NNMT: variants seen among roughly 807,000 people sequenced by gnomAD.
NNMT encodes nicotinamide N-methyltransferase.
In NNMT, 10 loss-of-function variants were observed where a neutral mutation model predicts 11.7. That is an observed-to-expected ratio of 0.85 (90% confidence interval 0.53 to 1.45). The LOEUF (loss-of-function observed/expected upper bound fraction) is 1.45, where lower values mean the gene tolerates loss of function less well. NNMT is among the 40% of genes most tolerant of loss of function. The pLI is 0.00. For synonymous variants in NNMT, 143 were observed against 133.8 expected (o/e 1.07, Z -0.48); for missense variants, 381 against 319.4 (o/e 1.19, Z -1.47).
intron 2 of NNMT, among the ~76,000 whole-genome samples, chr11:114,276,298 TGGA>T (rs1321691245): frequency 1.3e-5 from 2 of 152,060 alleles, no homozygotes; most frequent in Non-Finnish European, 2.9e-5. Context: ...GGCTTGGATT[TGGA>T]GAAGTTGGAG....
intron 1 of NNMT, among the ~76,000 whole-genome samples, chr11:114,261,975 G>A (rs2135239797): frequency 6.6e-6 from 1 of 152,248 alleles, no homozygotes; most frequent in Non-Finnish European, 1.5e-5. Context: ...TGGGAAAGAA[G>A]CAGGCAGGCC....
In NNMT at chr11:114,312,034, G is replaced by C; in HGVS notation, c.363-11G>C. ...AGTGGAAAACAATGTCTGTGGGTTT[G>C]TGTTTTTCAGAGTCAAGGGTCCAGA... On this transcript the variant is annotated splice_polypyrimidine_tract_variant and intron_variant, in intron 2 of 2. Coordinates refer to ENST00000299964, the MANE Select transcript of NNMT (RefSeq NM_006169.3). The C allele has an allele frequency of 6.5e-7, 1 of 1,545,150 alleles. No individual in the cohort carries two copies. The highest frequency in any genetic ancestry group is 8.7e-7 in the Non-Finnish European group (1 of 1,143,640).
Position 114,312,508 on chromosome 11 carries a change from T to G in NNMT, c.*31T>G. 6.3e-7 allele frequency: 1 copy of G among 1,591,896 alleles called. No individual in the cohort carries two copies. The highest frequency in any genetic ancestry group is 8.6e-7 in the Non-Finnish European group (1 of 1,167,440). On this transcript the variant is annotated 3_prime_UTR_variant, in exon 3 of 3. Transcript: ENST00000299964. ...GTGACCTCAATTAAAGCAATTCCTTTGACCTGTCCAGTTGACTTTAGTCCT... is the reference window on the plus strand; with the variant it reads ...GTGACCTCAATTAAAGCAATTCCTTGGACCTGTCCAGTTGACTTTAGTCCT...
At chr11:114,304,774 C>T (rs1312103922) in intron 2 of NNMT, among the ~76,000 whole-genome samples, 1 of 152,014 alleles carries the variant, frequency 6.6e-6, no homozygotes, top group Non-Finnish European at 1.5e-5. Flanking sequence ...CTTGGGAGAT[C>T]GAGGCTGCAG....
intron 2 of NNMT, among the ~76,000 whole-genome samples, chr11:114,276,679 G>C (rs1277004692): frequency 6.6e-6 from 1 of 152,194 alleles, no homozygotes; most frequent in Non-Finnish European, 1.5e-5. Context: ...CTGCAGGGTT[G>C]CATAGAGAGA....
intron 1 of NNMT, among the ~76,000 whole-genome samples, chr11:114,260,934 A>C (rs1221479660): frequency 2.0e-5 from 3 of 152,214 alleles, no homozygotes; most frequent in African/African-American, 7.2e-5. Context: ...CGAAGGCCTC[A>C]CTTCCTCAAC....
intron 1 of NNMT, among the ~76,000 whole-genome samples, chr11:114,258,453 C>A (rs888897392): frequency 6.6e-6 from 1 of 152,212 alleles, no homozygotes; most frequent in Non-Finnish European, 1.5e-5. Context: ...AAGCCAAGGC[C>A]AAGGCCGCCT....
At chr11:114,265,446 T>C (rs967411860) in intron 2 of NNMT, among the ~76,000 whole-genome samples, 7 of 152,366 alleles carry the variant, frequency 4.6e-5, no homozygotes, top group South Asian at 2.1e-4. Context: ...AGACAGTCTC[T>C]GAAAAGTTCC....
chr11:114,261,171 G>A (rs968893056), intron 1 of NNMT, among the ~76,000 whole-genome samples: 2 of 152,230 alleles, frequency 1.3e-5, no homozygotes, highest in Non-Finnish European at 2.9e-5. Flanking sequence ...GGATTCTGGA[G>A]TAGTGAGGCT....
intron 2 of NNMT, among the ~76,000 whole-genome samples, chr11:114,311,770 A>T (rs1945550782): frequency 6.6e-6 from 1 of 152,206 alleles, no homozygotes; most frequent in Admixed American, 6.5e-5. Flanking sequence ...GAATAATTTC[A>T]TGGAGGGAAG....
chr11:114,281,046 C>T (rs928105222), intron 2 of NNMT, among the ~76,000 whole-genome samples: 9 of 152,200 alleles, frequency 5.9e-5, no homozygotes, highest in South Asian at 2.1e-4. Context: ...CCCAGACCTG[C>T]TGGCCCAGGG....
chr11:114,303,663 A>G lies in NNMT; in HGVS notation c.362+5505A>G, dbSNP rs186017857. Among the ~76,000 whole-genome samples the G allele has an allele frequency of 2.0e-4, 30 of 152,328 alleles. No individual in the cohort carries two copies. The East Asian group carries it at 5.6e-3, about 28-fold the overall frequency. On this transcript the variant is annotated intron_variant, in intron 2 of 2. Transcript: ENST00000299964. ...CTCTTACACATGAACAAAATCATAA[A>G]ATTGTTTAAATATTGCCCCACTTTT... is the stretch of plus-strand genomic sequence containing the variant.
At chr11:114,283,307 A>G (rs1945275324) in intron 2 of NNMT, among the ~76,000 whole-genome samples, 1 of 152,188 alleles carries the variant, frequency 6.6e-6, no homozygotes, top group Non-Finnish European at 1.5e-5. Context: ...GAGGGGTGCA[A>G]ATCATGAAGA....
chr11:114,274,590 G>T (rs971869260), intron 2 of NNMT, among the ~76,000 whole-genome samples: 1 of 152,212 alleles, frequency 6.6e-6, no homozygotes, highest in Non-Finnish European at 1.5e-5. Flanking sequence ...TGTAGAAATG[G>T]CAAGAAAGAT....
intron 2 of NNMT, among the ~76,000 whole-genome samples, chr11:114,303,739 C>T (rs1425729138): frequency 6.6e-6 from 1 of 152,026 alleles, no homozygotes; most frequent in East Asian, 1.9e-4. Context: ...TTTTTTTAGA[C>T]AGGGTCTTGC....
chr11:114,290,730 T>G (rs1392334032), intron 2 of NNMT, among the ~76,000 whole-genome samples: 1 of 152,250 alleles, frequency 6.6e-6, no homozygotes, highest in Non-Finnish European at 1.5e-5. Flanking sequence ...AAATTCATCA[T>G]TTAGAACTTC....
At chr11:114,274,853 CT>C in intron 2 of NNMT, among the ~76,000 whole-genome samples, 1 of 152,308 alleles carries the variant, frequency 6.6e-6, no homozygotes, top group South Asian at 2.1e-4. Context: ...AACCTCCAGA[CT>C]TTTGACCCTA....
intron 2 of NNMT, among the ~76,000 whole-genome samples, chr11:114,304,422 G>A (rs550737594): frequency 6.6e-6 from 1 of 152,298 alleles, no homozygotes; most frequent in East Asian, 1.9e-4. Context: ...CAATCACTCT[G>A]TTGGACATTG....
At chr11:114,297,571 G>A (rs1009024338) in intron 1 of NNMT, among the ~76,000 whole-genome samples, 5 of 148,476 alleles carry the variant, frequency 3.4e-5, no homozygotes, top group African/African-American at 7.5e-5. Context: ...TCATAGTCTC[G>A]AACTCCTGGA....
Sources: allele counts gnomAD v4.1 joint callset (sites outside exome capture counted in the v4.1 genomes callset), GRCh38; gene constraint gnomAD v4.1.1; transcripts MANE v1.5; gene names NCBI Gene and HGNC (gene_info 2026-07-23, HGNC 2026-07-21).